Variants in NRF1 observed in about 807,000 individuals in gnomAD.
NRF1 encodes the protein nuclear respiratory factor 1.
A neutral mutation model predicts 58.5 loss-of-function variants in NRF1; 5 were observed. That is an observed-to-expected ratio of 0.09 (90% CI 0.04 to 0.18). The LOEUF is 0.18. NRF1 is among the 10% of genes least tolerant of loss of function. The pLI is 1.00. For synonymous variants in NRF1, 224 were observed against 246.7 expected, an observed-to-expected ratio of 0.91 and a Z score of 0.86; for missense variants, 288 against 657.7, an observed-to-expected ratio of 0.44 and a Z score of 6.15.
chr7:129,689,987 GA>G, intron 4 of NRF1, among the ~76,000 whole-genome samples: 1 of 152,328 alleles, frequency 6.6e-6, no homozygotes, highest in South Asian at 2.1e-4. Flanking sequence ...TTAAGTTTTA[GA>G]AATGTAAGTC....
intron 1 of NRF1, among the ~76,000 whole-genome samples, chr7:129,645,420 C>G (rs1801383179): frequency 6.6e-6 from 1 of 152,154 alleles, no homozygotes; most frequent in Non-Finnish European, 1.5e-5. Context: ...TCTCCAGACA[C>G]TTGTACATGC....
intron 5 of NRF1, among the ~76,000 whole-genome samples, chr7:129,693,700 G>A (rs13236221): frequency 0.33 from 50,266 of 151,914 alleles, 9,011 homozygotes; most frequent in Non-Finnish European, 0.42. Flanking sequence ...CTATTATTCT[G>A]TTTCTAGAGG....
chr7:129,682,152 G>GA (rs1802328947), intron 4 of NRF1, among the ~76,000 whole-genome samples: 2 of 150,450 alleles, frequency 1.3e-5, no homozygotes, highest in Admixed American at 1.3e-4. Context: ...GAAATGTAAG[G>GA]AAAAAAGATA....
chr7:129,748,143 T>C (rs763830218), intron 10 of NRF1, among the ~76,000 whole-genome samples: 1 of 151,026 alleles, frequency 6.6e-6, no homozygotes, highest in East Asian at 1.9e-4. Context: ...GGCGTGGTGG[T>C]GCGCGCCTGT....
intron 1 of NRF1, among the ~76,000 whole-genome samples, chr7:129,626,578 C>T (rs1245283782): frequency 5.3e-5 from 8 of 152,156 alleles, no homozygotes; most frequent in Non-Finnish European, 1.0e-4. Context: ...AGTCATACTG[C>T]GTAGTGCATA....
chr7:129,753,814 TA>T, intron 10 of NRF1, among the ~76,000 whole-genome samples: 1 of 152,212 alleles, frequency 6.6e-6, no homozygotes, highest in Admixed American at 6.5e-5. Flanking sequence ...ACCTAGGCTT[TA>T]AAAATAAATA....
rs57595268 is a variant in NRF1 at position 129,754,464 on chromosome 7, T to TAAA, written c.1349-537_1349-535dup. Among the ~76,000 whole-genome samples, 44 of 51,208 alleles carry TAAA rather than the reference T, an allele frequency of 8.6e-4. 1 individual carries two copies. The highest frequency in any genetic ancestry group is 3.2e-3 in the African/African-American group (33 of 10,472). 33.6% of individuals were successfully genotyped at this position (51,208 alleles called of 152,430 possible). ...GGCTACAGAGCCAGACCCTGTCTCT[T>TAAA]AAAAAAAAAAAAAAAAAAAGTTAAA... On this transcript the variant is annotated intron_variant, in intron 10 of 10. Transcript: ENST00000393232.
chr7:129,624,825 G>C (rs1800878767), intron 1 of NRF1, among the ~76,000 whole-genome samples: 2 of 152,072 alleles, frequency 1.3e-5, no homozygotes, highest in Admixed American at 1.3e-4. Context: ...GTTCTCTAGG[G>C]CTTGCAAAAG....
intron 10 of NRF1, among the ~76,000 whole-genome samples, chr7:129,735,888 G>T (rs1227278110): frequency 6.6e-6 from 1 of 152,088 alleles, no homozygotes; most frequent in Non-Finnish European, 1.5e-5. Flanking sequence ...GGCACCTGTA[G>T]TCCCAGCTAC....
At chr7:129,683,850 C>T (rs954878678) in intron 4 of NRF1, among the ~76,000 whole-genome samples, 1 of 151,998 alleles carries the variant, frequency 6.6e-6, no homozygotes, top group Non-Finnish European at 1.5e-5. Flanking sequence ...CCAGGCTGGT[C>T]TTGAACTCCT....
intron 5 of NRF1, among the ~76,000 whole-genome samples, chr7:129,706,658 C>T (rs1436122614): frequency 2.0e-5 from 3 of 152,126 alleles, no homozygotes; most frequent in African/African-American, 4.8e-5. Flanking sequence ...GCTGAGCCCA[C>T]CTTTCAAGTA....
intron 9 of NRF1, among the ~76,000 whole-genome samples, chr7:129,722,527 T>C (rs1203642012): frequency 6.6e-6 from 1 of 152,188 alleles, no homozygotes; most frequent in Non-Finnish European, 1.5e-5. Context: ...ATGCCCCACG[T>C]AAAGACCTTA....
intron 7 of NRF1, among the ~76,000 whole-genome samples, chr7:129,710,951 T>A (rs1803059307): frequency 6.6e-6 from 1 of 151,844 alleles, no homozygotes; most frequent in Admixed American, 6.6e-5. Context: ...CTGAATTTTT[T>A]TTTTTTTTTT....
chr7:129,751,621 T>G (rs1168581978), intron 10 of NRF1, among the ~76,000 whole-genome samples: 1 of 152,236 alleles, frequency 6.6e-6, no homozygotes, highest in Admixed American at 6.5e-5. Flanking sequence ...CACAGTTAGT[T>G]AGAAAAGATC....
chr7:129,721,900 C>G (rs1156922079), intron 9 of NRF1, among the ~76,000 whole-genome samples: 1 of 152,126 alleles, frequency 6.6e-6, no homozygotes, highest in East Asian at 1.9e-4. Flanking sequence ...AAACTTAGAT[C>G]AGAAATCTTC....
chr7:129,646,014 TG>T (rs1477878518), intron 1 of NRF1, among the ~76,000 whole-genome samples: 2 of 152,094 alleles, frequency 1.3e-5, no homozygotes, highest in Admixed American at 1.3e-4. Context: ...CACACCCGGC[TG>T]ATTTTTGTAT....
chr7:129,733,974 G>C (rs1402852704), intron 10 of NRF1, among the ~76,000 whole-genome samples: 1 of 151,866 alleles, frequency 6.6e-6, no homozygotes, highest in East Asian at 1.9e-4. Context: ...AGTGAGCCAA[G>C]ATCATGCCGC....
intron 5 of NRF1, among the ~76,000 whole-genome samples, chr7:129,701,751 C>T (rs771886154): frequency 6.6e-6 from 1 of 152,156 alleles, no homozygotes; most frequent in Non-Finnish European, 1.5e-5. Context: ...AATCCATATA[C>T]CCTTTAATCA....
At chr7:129,668,243 CTTTGA>C (rs1801966184) in intron 2 of NRF1, among the ~76,000 whole-genome samples, 1 of 152,086 alleles carries the variant, frequency 6.6e-6, no homozygotes, top group African/African-American at 2.4e-5. Context: ...AATTCAGTTG[CTTTGA>C]TTTGTCTATC....
Sources: allele counts gnomAD v4.1 joint callset (sites outside exome capture counted in the v4.1 genomes callset), GRCh38; gene constraint gnomAD v4.1.1; transcripts MANE v1.5; gene names NCBI Gene and HGNC (gene_info 2026-07-23, HGNC 2026-07-21).